The following UIMC1 variants were observed in gnomAD, a reference collection of about 807,000 sequenced individuals.
UIMC1 encodes ubiquitin interaction motif containing 1.
In UIMC1, 42 loss-of-function variants were observed where a neutral mutation model predicts 84.9. The observed-to-expected ratio is 0.49, with a 90% CI of 0.39 to 0.64. UIMC1 has a LOEUF of 0.64. Among genes scored for constraint, UIMC1 ranks in the 30% least tolerant of loss-of-function variants. The pLI, the probability that UIMC1 is intolerant of heterozygous loss-of-function variation, is 0.00. For missense variants in UIMC1, 825 were observed against 847.6 expected (o/e 0.97, Z 0.33); for synonymous variants, 281 against 293.0 (o/e 0.96, Z 0.42).
chr5:176,954,402 C>A (rs943437023), intron 8 of UIMC1, among the ~76,000 whole-genome samples: 1 of 151,978 alleles, frequency 6.6e-6, no homozygotes, highest in African/African-American at 2.4e-5. Flanking sequence ...AGGCAGTAAT[C>A]CAAACACATT....
Position 176,905,421 on chromosome 5 carries a change from A to G in UIMC1, c.2021T>C (p.Leu674Ser). ...AAAAGACTTGACGGGAGATTCATTT[A>G]AGTCACGACGTGTGAAAGAACTCTG... The part of the protein sequence containing the change: ...EMQSSFTRRD[L>S]NESPVKSFVS... Residue 674 changes from leucine to serine, a missense_variant, in exon 15 of 15, where the codon TTA becomes TCA. Coordinates refer to ENST00000511320, the MANE Select transcript of UIMC1 (RefSeq NM_001199298.2). The G allele has an allele frequency of 6.2e-7, 1 of 1,614,178 alleles. No individual in the cohort carries two copies. The highest frequency in any genetic ancestry group is 2.2e-5 in the East Asian group (1 of 44,890).
chr5:176,947,000 A>G (rs770613497), intron 9 of UIMC1, among the ~76,000 whole-genome samples: 1 of 152,198 alleles, frequency 6.6e-6, no homozygotes, highest in Non-Finnish European at 1.5e-5. Context: ...GAAATGTTAC[A>G]TGACGCAAAT....
rs1174612251 is a variant in UIMC1, at chr5:176,927,210, A to G, written c.1598-15821T>C. ...AGACACCATTTCTTTAAAAAAGAAA[A>G]AAAAAAAAAAAAAAAGCACCAGTAG... On this transcript the variant is annotated intron_variant, in intron 10 of 14. Transcript: ENST00000511320. Among the ~76,000 whole-genome samples, 237 of 129,594 alleles carry G rather than the reference A, an allele frequency of 1.8e-3. 4 individuals carry two copies. The highest frequency in any genetic ancestry group is 6.7e-3 in the African/African-American group (226 of 33,714). The allele number at this position is 129,594 out of a possible 152,430, so 85.0% of individuals were successfully genotyped here. A position where few individuals can be genotyped will look rare whatever the true frequency, so the allele number is the denominator to read the frequency against.
rs374637041 is a variant in UIMC1, at chr5:176,968,235, A to G, written c.1200+320T>C. On this transcript the variant is annotated intron_variant, in intron 6 of 14. Transcript: ENST00000511320. ...AAAAGTACAAAAATTAGCAGGGCAT[A>G]GTGGCAAGCACCTGTAATCCCAGCT... Among the ~76,000 whole-genome samples, 100 of 152,198 alleles carry G rather than the reference A, an allele frequency of 6.6e-4. 1 individual carries two copies. The South Asian group carries it at 0.019, about 29-fold the overall frequency.
chr5:176,942,295 A>G (rs1764533147), intron 10 of UIMC1, among the ~76,000 whole-genome samples: 1 of 152,240 alleles, frequency 6.6e-6, no homozygotes. Flanking sequence ...GAAAAAACCT[A>G]CAAGGGGTTT....
intron 1 of UIMC1, among the ~76,000 whole-genome samples, chr5:177,011,946 G>A (rs925456764): frequency 6.6e-6 from 1 of 151,880 alleles, no homozygotes; most frequent in Non-Finnish European, 1.5e-5. Flanking sequence ...GATTACAGGC[G>A]CCCGCCACCA....
chr5:176,942,745 TAAAA>T (rs1044619072), intron 10 of UIMC1, among the ~76,000 whole-genome samples: 1 of 76,142 alleles, frequency 1.3e-5, no homozygotes. Context: ...GACTCCGTCT[TAAAA>T]AAAAAAAAAA....
chr5:177,021,804 A>T (rs919088272), intron 1 of UIMC1, among the ~76,000 whole-genome samples: 7 of 152,172 alleles, frequency 4.6e-5, no homozygotes, highest in Non-Finnish European at 8.8e-5. Flanking sequence ...GGCATGTGCC[A>T]CCACACCCGT....
At chr5:176,991,630 C>CAAA (rs57753076) in intron 1 of UIMC1, among the ~76,000 whole-genome samples, 2 of 78,826 alleles carry the variant, frequency 2.5e-5, no homozygotes, top group Admixed American at 1.5e-4. Context: ...AACTCCGTCT[C>CAAA]AAAAAAAAAA....
chr5:176,991,211 G>A (rs1378916761), intron 1 of UIMC1, among the ~76,000 whole-genome samples: 4 of 151,374 alleles, frequency 2.6e-5, no homozygotes, highest in African/African-American at 7.3e-5. Context: ...GGGTTTCATC[G>A]TGTTAGCCAA....
intron 10 of UIMC1, among the ~76,000 whole-genome samples, chr5:176,931,592 T>G (rs577298297): frequency 6.6e-6 from 1 of 152,354 alleles, no homozygotes; most frequent in Admixed American, 6.5e-5. Flanking sequence ...GCAGTCAGGC[T>G]GCCATTTCAT....
intron 10 of UIMC1, among the ~76,000 whole-genome samples, chr5:176,921,913 C>A (rs566020567): frequency 6.6e-6 from 1 of 152,294 alleles, no homozygotes; most frequent in Admixed American, 6.5e-5. Flanking sequence ...CATGATCTGA[C>A]CACTGTTTAT....
At chr5:176,928,974 C>T (rs1762736994) in intron 10 of UIMC1, among the ~76,000 whole-genome samples, 1 of 151,872 alleles carries the variant, frequency 6.6e-6, no homozygotes, top group African/African-American at 2.4e-5. Flanking sequence ...TATTAATTGG[C>T]CGGGCGTGGT....
intron 10 of UIMC1, among the ~76,000 whole-genome samples, chr5:176,924,666 A>G (rs929844775): frequency 2.0e-5 from 3 of 152,174 alleles, no homozygotes; most frequent in African/African-American, 7.2e-5. Context: ...CCATATACCT[A>G]AATAGAAAAT....
chr5:176,947,041 C>T (rs574988399), intron 9 of UIMC1, among the ~76,000 whole-genome samples: 2 of 152,286 alleles, frequency 1.3e-5, no homozygotes, highest in East Asian at 3.9e-4. Flanking sequence ...GAGCACTATA[C>T]TCCTTTGTAT....
chr5:176,958,688 A>G (rs571340167), intron 6 of UIMC1, among the ~76,000 whole-genome samples: 4 of 152,384 alleles, frequency 2.6e-5, no homozygotes, highest in African/African-American at 9.6e-5. Context: ...GGAAGGTTAC[A>G]AAGATTCTTT....
chr5:177,016,569 T>C (rs1775674330), intron 1 of UIMC1, among the ~76,000 whole-genome samples: 1 of 151,312 alleles, frequency 6.6e-6, no homozygotes, highest in Admixed American at 6.6e-5. Flanking sequence ...CACGCACCTC[T>C]AGTCCCAGCT....
intron 5 of UIMC1, 137 bp downstream of exon 5, chr5:176,969,464 C>G (rs184913078): frequency 4.6e-5 from 59 of 1,270,250 alleles, no homozygotes; most frequent in Middle Eastern, 2.1e-4. Context: ...TTCTTATGAT[C>G]TCAACTACTT....
chr5:177,007,923 G>T (rs893310359), upstream of UIMC1, among the ~76,000 whole-genome samples: 5 of 152,044 alleles, frequency 3.3e-5, no homozygotes, highest in African/African-American at 1.2e-4. Flanking sequence ...TGACCAACAT[G>T]GTGAAACCCC....
Sources: gnomAD v4.1 joint callset for allele counts (sites outside exome capture counted in the v4.1 genomes callset) on GRCh38, gnomAD v4.1.1 for gene constraint, MANE v1.5 for transcripts, NCBI Gene and HGNC (gene_info 2026-07-23, HGNC 2026-07-21) for gene names.